LANCL1: variants seen among roughly 807,000 people sequenced by gnomAD.
LANCL1 encodes LanC like glutathione S-transferase 1.
In LANCL1, 50 loss-of-function variants were observed where a neutral mutation model predicts 50.6. The ratio of observed to expected loss-of-function variants is 0.99; its 90% confidence interval spans 0.79 to 1.25. The LOEUF is 1.25. LANCL1 is among the 50% of genes most tolerant of loss of function. The pLI is 0.00. For synonymous variants in LANCL1, 188 were observed against 178.6 expected, an observed-to-expected ratio of 1.05 and a Z score of -0.42; for missense variants, 532 against 480.7, an observed-to-expected ratio of 1.11 and a Z score of -1.00.
chr2:210,476,919 C>A, upstream of LANCL1: 1 of 609,364 alleles, frequency 1.6e-6, no homozygotes, highest in Non-Finnish European at 2.1e-6. Context: ...TAGAATCACG[C>A]GGAGATGTGA....
At chr2:210,473,994 T>C (rs968502574) in intron 2 of LANCL1, among the ~76,000 whole-genome samples, 1 of 152,232 alleles carries the variant, frequency 6.6e-6, no homozygotes, top group Non-Finnish European at 1.5e-5. Flanking sequence ...TAATTTATCA[T>C]CTTGCCTGGC....
intron 8 of LANCL1, among the ~76,000 whole-genome samples, chr2:210,435,687 C>T (rs111974202): frequency 6.6e-6 from 1 of 152,238 alleles, no homozygotes; most frequent in African/African-American, 2.4e-5. Flanking sequence ...AAGAAAGGCA[C>T]AAAATCACCC....
chr2:210,444,690 A>C (rs1246677268), intron 4 of LANCL1, among the ~76,000 whole-genome samples: 1 of 152,208 alleles, frequency 6.6e-6, no homozygotes, highest in Non-Finnish European at 1.5e-5. Flanking sequence ...TTATCTTAGG[A>C]AGAGATATAC....
intron 2 of LANCL1, among the ~76,000 whole-genome samples, chr2:210,473,935 G>T (rs1181087012): frequency 6.6e-6 from 1 of 152,188 alleles, no homozygotes; most frequent in Non-Finnish European, 1.5e-5. Context: ...CTAGATAGAA[G>T]AGTGCATCTA....
intron 3 of LANCL1, among the ~76,000 whole-genome samples, chr2:210,465,142 A>C (rs1694008756): frequency 6.6e-6 from 1 of 152,366 alleles, no homozygotes; most frequent in Non-Finnish European, 1.5e-5. Flanking sequence ...ATGTGAAATC[A>C]AGTGTTGCTC....
intron 4 of LANCL1, among the ~76,000 whole-genome samples, chr2:210,453,208 A>G (rs1175216664): frequency 6.6e-6 from 1 of 152,246 alleles, no homozygotes; most frequent in East Asian, 1.9e-4. Flanking sequence ...TTAAAAAGGT[A>G]AATGACAACA....
At chr2:210,445,176 T>A (rs550157323) in intron 4 of LANCL1, among the ~76,000 whole-genome samples, 3 of 149,660 alleles carry the variant, frequency 2.0e-5, no homozygotes, top group East Asian at 2.0e-4. Flanking sequence ...TAATTTTTTT[T>A]AAACACATAC....
At chr2:210,472,947 G>C (rs1010919317) in intron 2 of LANCL1, among the ~76,000 whole-genome samples, 1 of 152,158 alleles carries the variant, frequency 6.6e-6, no homozygotes, top group Non-Finnish European at 1.5e-5. Context: ...CTGGGGCTGT[G>C]GGGTTAGTAC....
chr2:210,476,454 G>T, intron 1 of LANCL1, 42 bp from the exon 2 acceptor site: 5 of 1,547,770 alleles, frequency 3.2e-6, no homozygotes, highest in South Asian at 2.3e-5. Context: ...TGAGATAGGG[G>T]CCTCGGCCGA....
chr2:210,472,998 G>A (rs1694266594), intron 2 of LANCL1, among the ~76,000 whole-genome samples: 1 of 152,144 alleles, frequency 6.6e-6, no homozygotes, highest in South Asian at 2.1e-4. Flanking sequence ...AAACAGTGAG[G>A]CTCACACAAT....
intron 4 of LANCL1, among the ~76,000 whole-genome samples, chr2:210,446,820 A>G (rs964158236): frequency 3.9e-5 from 6 of 152,256 alleles, no homozygotes; most frequent in African/African-American, 1.4e-4. Flanking sequence ...AAGAATAAAA[A>G]GGAACGAAAG....
intron 3 of LANCL1, among the ~76,000 whole-genome samples, chr2:210,461,274 A>G (rs551430459): frequency 1.2e-3 from 184 of 152,130 alleles, no homozygotes; most frequent in African/African-American, 4.0e-3. Flanking sequence ...ATCCATGCCC[A>G]TAGCTCTTTC....
intron 3 of LANCL1, among the ~76,000 whole-genome samples, chr2:210,457,854 T>C (rs1018694816): frequency 6.6e-6 from 1 of 152,168 alleles, no homozygotes; most frequent in Non-Finnish European, 1.5e-5. Flanking sequence ...TAAGTGGTTT[T>C]CCAAATGTAT....
At chr2:210,459,999 C>G (rs1364964610) in intron 3 of LANCL1, among the ~76,000 whole-genome samples, 1 of 152,064 alleles carries the variant, frequency 6.6e-6, no homozygotes, top group Non-Finnish European at 1.5e-5. Flanking sequence ...AATACTAAGC[C>G]TTTGAATTTC....
rs113419898 is a variant in LANCL1 at position 210,476,495 on chromosome 2, C to T, written c.-16-83G>A. The T allele has an allele frequency of 1.3e-4, 191 of 1,460,134 alleles. 1 individual carries two copies. In the African/African-American group the frequency reaches 2.3e-3, roughly 18 times the overall value. The allele number at this position is 1,460,134 out of a possible 1,614,324, so 90.4% of individuals were successfully genotyped here. A position where few individuals can be genotyped will look rare whatever the true frequency, so the allele number is the denominator to read the frequency against. On this transcript the variant is annotated intron_variant, in intron 1 of 9. Coordinates refer to ENST00000450366, the MANE Select transcript of LANCL1 (RefSeq NM_006055.3). ...GAGGGCGGCGGCGGCGCCCAGGTAT[C>T]CCCCTTCCTCCAGCTCCAGGGCCAT...
chr2:210,447,855 G>C (rs1693391446), intron 4 of LANCL1, among the ~76,000 whole-genome samples: 1 of 152,096 alleles, frequency 6.6e-6, no homozygotes, highest in African/African-American at 2.4e-5. Flanking sequence ...GATTCATAAA[G>C]CAAGTTCTTA....
At chr2:210,471,813 A>G in intron 3 of LANCL1, 146 bp downstream of exon 3, 1 of 744,032 alleles carries the variant, frequency 1.3e-6, no homozygotes, top group East Asian at 2.4e-5. Context: ...GGTTGGGTTG[A>G]GGGCACAGCA....
chr2:210,456,964 T>C (rs534753260), intron 3 of LANCL1, among the ~76,000 whole-genome samples: 15 of 152,204 alleles, frequency 9.9e-5, no homozygotes, highest in Non-Finnish European at 1.9e-4. Flanking sequence ...GGTAATCATT[T>C]CTCAAGTCTC....
intron 3 of LANCL1, chr2:210,460,698 A>G (rs1447148183): frequency 6.6e-6 from 1 of 152,218 alleles, no homozygotes; most frequent in East Asian, 1.9e-4. Flanking sequence ...AACTGTCAAC[A>G]ATCCACTGAG....
Sources: gnomAD v4.1 joint callset for allele counts (sites outside exome capture counted in the v4.1 genomes callset) on GRCh38, gnomAD v4.1.1 for gene constraint, MANE v1.5 for transcripts, NCBI Gene and HGNC (gene_info 2026-07-23, HGNC 2026-07-21) for gene names.